RIN3: variants seen among roughly 807,000 people sequenced by gnomAD.
The protein encoded by RIN3 is Ras and Rab interactor 3.
RIN3 carries 54 observed loss-of-function variants against 76.3 expected under a neutral mutation model. The observed-to-expected ratio is 0.71, with a 90% CI of 0.57 to 0.89. RIN3 has a LOEUF of 0.89. Among genes scored for constraint, RIN3 ranks in the 40% least tolerant of loss-of-function variants. The probability of loss-of-function intolerance (pLI) is 0.00; values close to 1 mark genes in which losing one functional copy is unlikely to be tolerated. For synonymous variants in RIN3, 576 were observed against 564.0 expected (o/e 1.02, Z -0.30); for missense variants, 1,256 against 1,322.1 (o/e 0.95, Z 0.78).
intron 1 of RIN3, among the ~76,000 whole-genome samples, chr14:92,527,246 G>A (rs1332043750): frequency 6.7e-6 from 1 of 150,196 alleles, no homozygotes; most frequent in African/African-American, 2.5e-5. Context: ...TAGAGACGGG[G>A]TTTCACCGTG....
intron 7 of RIN3, among the ~76,000 whole-genome samples, chr14:92,670,671 T>C (rs1036982257): frequency 5.9e-5 from 9 of 152,216 alleles, no homozygotes; most frequent in East Asian, 1.9e-4. Flanking sequence ...AGCTCTGCTA[T>C]TGACCAGCTG....
chr14:92,591,346 G>A (rs935328514), intron 3 of RIN3, among the ~76,000 whole-genome samples: 1 of 152,060 alleles, frequency 6.6e-6, no homozygotes, highest in African/African-American at 2.4e-5. Context: ...AGAACTGTGG[G>A]ACAACTACAA....
At chr14:92,606,293 C>G (rs1283632263) in intron 3 of RIN3, among the ~76,000 whole-genome samples, 1 of 152,054 alleles carries the variant, frequency 6.6e-6, no homozygotes, top group African/African-American at 2.4e-5. Context: ...AATCCCAACA[C>G]TTTGGGAAGA....
intron 3 of RIN3, among the ~76,000 whole-genome samples, chr14:92,610,700 T>C (rs1252855237): frequency 6.6e-6 from 1 of 152,162 alleles, no homozygotes; most frequent in Non-Finnish European, 1.5e-5. Context: ...AGGGATTCTC[T>C]GTGCAGGACA....
intron 1 of RIN3, among the ~76,000 whole-genome samples, chr14:92,526,070 C>T (rs939332064): frequency 6.6e-6 from 1 of 152,062 alleles, no homozygotes; most frequent in South Asian, 2.1e-4. Context: ...ATCTTCTGGA[C>T]GGACAGGAGA....
rs1220167519 is a variant in RIN3, at chr14:92,547,071, T to TA, written c.45-8680_45-8679insA. The stretch of plus-strand genomic sequence containing the variant: ...TTATAATAAAATAAATTATATTTTA[T>TA]TTTATATTATATTATATTATATTAT... On this transcript the variant is annotated intron_variant, in intron 1 of 9. Coordinates refer to ENST00000216487, the MANE Select transcript of RIN3 (RefSeq NM_024832.5). Among the ~76,000 whole-genome samples the TA allele has an allele frequency of 2.1e-4, 22 of 105,856 alleles. 5 individuals carry two copies. The highest frequency in any genetic ancestry group is 4.4e-4 in the Non-Finnish European group (21 of 47,392). 69.4% of individuals were successfully genotyped at this position (105,856 alleles called of 152,430 possible). A position where few individuals can be genotyped will look rare whatever the true frequency, so the allele number is the denominator to read the frequency against.
intron 8 of RIN3, among the ~76,000 whole-genome samples, chr14:92,677,905 CA>C (rs1888525074): frequency 6.6e-6 from 1 of 151,154 alleles, no homozygotes; most frequent in Non-Finnish European, 1.5e-5. Flanking sequence ...TACGTCCACC[CA>C]CCCATCCGTC....
At chr14:92,650,658 G>A (rs892637308) in intron 5 of RIN3, among the ~76,000 whole-genome samples, 1 of 152,302 alleles carries the variant, frequency 6.6e-6, no homozygotes, top group South Asian at 2.1e-4. Flanking sequence ...TTGAGTGAAC[G>A]CAGGGTGGCC....
intron 3 of RIN3, among the ~76,000 whole-genome samples, chr14:92,611,791 A>T (rs74072981): frequency 0.032 from 4,794 of 152,030 alleles, 270 homozygotes; most frequent in African/African-American, 0.11. Context: ...CTGTTGTTGC[A>T]TTGCTATAAA....
At chr14:92,649,937 T>A (rs947305917) in intron 5 of RIN3, among the ~76,000 whole-genome samples, 1 of 152,140 alleles carries the variant, frequency 6.6e-6, no homozygotes, top group African/African-American at 2.4e-5. Context: ...CCGGTCTGTT[T>A]CTTCAGTCCC....
intron 2 of RIN3, among the ~76,000 whole-genome samples, chr14:92,563,981 G>A (rs1159942703): frequency 6.6e-6 from 1 of 152,144 alleles, no homozygotes; most frequent in Non-Finnish European, 1.5e-5. Flanking sequence ...GTCCAGGATG[G>A]GCCCCAGCCA....
chr14:92,542,370 A>G (rs1897149551), intron 1 of RIN3, among the ~76,000 whole-genome samples: 1 of 152,212 alleles, frequency 6.6e-6, no homozygotes, highest in Admixed American at 6.5e-5. Context: ...ATGAGAAACT[A>G]CTTCACAACC....
intron 2 of RIN3, among the ~76,000 whole-genome samples, chr14:92,566,246 C>T (rs1438202871): frequency 2.0e-5 from 3 of 152,198 alleles, no homozygotes; most frequent in African/African-American, 7.2e-5. Flanking sequence ...CACTACTCCA[C>T]CTGGGCTTCT....
chr14:92,679,527 G>T (rs1422192024), intron 8 of RIN3, among the ~76,000 whole-genome samples: 13 of 152,214 alleles, frequency 8.5e-5, no homozygotes, highest in Admixed American at 8.5e-4. Flanking sequence ...CGAGGGCAGG[G>T]GTTTCCACCT....
intron 1 of RIN3, among the ~76,000 whole-genome samples, chr14:92,548,192 G>A (rs556167503): frequency 6.6e-6 from 1 of 152,138 alleles, no homozygotes; most frequent in Admixed American, 6.5e-5. Flanking sequence ...GAACATTATT[G>A]AATACCCTTT....
At chr14:92,657,921 C>T (rs1156565243) in intron 6 of RIN3, among the ~76,000 whole-genome samples, 2 of 152,226 alleles carry the variant, frequency 1.3e-5, no homozygotes, top group Non-Finnish European at 2.9e-5. Flanking sequence ...CCTCCCTCCT[C>T]TCTCAGGGCT....
chr14:92,687,551 G>A, intron 9 of RIN3: 2 of 277,778 alleles, frequency 7.2e-6, no homozygotes, highest in Non-Finnish European at 1.4e-5. Flanking sequence ...TATCTGTGCT[G>A]CCCTCCGTGC....
At chr14:92,573,481 G>C (rs1253584546) in intron 2 of RIN3, among the ~76,000 whole-genome samples, 1 of 88,294 alleles carries the variant, frequency 1.1e-5, no homozygotes, top group South Asian at 4.8e-4. Context: ...GTCCCCTTCT[G>C]TTGGTCACAC....
intron 3 of RIN3, among the ~76,000 whole-genome samples, chr14:92,614,458 A>G (rs1013414710): frequency 1.3e-5 from 2 of 152,132 alleles, no homozygotes; most frequent in African/African-American, 4.8e-5. Flanking sequence ...CTTCTGTGTT[A>G]TTTTGTCAAA....
Sources: gnomAD v4.1 joint callset for allele counts (sites outside exome capture counted in the v4.1 genomes callset) on GRCh38, gnomAD v4.1.1 for gene constraint, MANE v1.5 for transcripts, NCBI Gene and HGNC (gene_info 2026-07-23, HGNC 2026-07-21) for gene names.